PCED1B: variants seen among roughly 807,000 people sequenced by gnomAD.
PCED1B encodes the protein PC-esterase domain containing 1B.
For missense variants in PCED1B, 573 were observed against 573.9 expected (o/e 1.00, Z 0.02); for synonymous variants, 251 against 246.1 (o/e 1.02, Z -0.19).
At chr12:47,215,001 C>A (rs998295858) in intron 2 of PCED1B, among the ~76,000 whole-genome samples, 8 of 151,952 alleles carry the variant, frequency 5.3e-5, no homozygotes, top group African/African-American at 1.9e-4. Flanking sequence ...ATTCTCCTGC[C>A]TCAGCCTCCC....
chr12:47,183,589 CT>C lies in PCED1B; in HGVS notation c.-525-32623del, dbSNP rs535538873. 3.8e-4 allele frequency among the ~76,000 whole-genome samples: 57 copies of C among 149,362 alleles called. 1 individual carries two copies. The highest frequency in any genetic ancestry group is 1.3e-3 in the African/African-American group (51 of 40,788). On this transcript the variant is annotated intron_variant, in intron 2 of 3. Coordinates refer to ENST00000546455, the MANE Select transcript of PCED1B (RefSeq NM_138371.3). ...AAATATACTAGCTACAGAACCATTT[CT>C]TTTTTTTTTAACACCTATATATCAC...
At chr12:47,098,252 C>T (rs987888741) in intron 1 of PCED1B, among the ~76,000 whole-genome samples, 4 of 152,168 alleles carry the variant, frequency 2.6e-5, no homozygotes, top group Non-Finnish European at 4.4e-5. Flanking sequence ...GATTCTGAGC[C>T]GGGTTACAGA....
chr12:47,111,924 T>C (rs574365731), intron 2 of PCED1B, among the ~76,000 whole-genome samples: 1 of 152,340 alleles, frequency 6.6e-6, no homozygotes, highest in Non-Finnish European at 1.5e-5. Context: ...TATCCATTCA[T>C]GGGTTCTCTG....
intron 2 of PCED1B, among the ~76,000 whole-genome samples, chr12:47,174,407 C>CA (rs202246828): frequency 0.33 from 41,511 of 123,982 alleles, 6,344 homozygotes; most frequent in Admixed American, 0.45. Flanking sequence ...AGACTCAATC[C>CA]AAAAAAAAAA....
chr12:47,156,924 C>T (rs986984078), intron 2 of PCED1B, among the ~76,000 whole-genome samples: 1 of 152,098 alleles, frequency 6.6e-6, no homozygotes, highest in African/African-American at 2.4e-5. Context: ...AAAATAATAT[C>T]TACTTCACAG....
chr12:47,199,761 T>G (rs1393611763), intron 2 of PCED1B, among the ~76,000 whole-genome samples: 1 of 152,192 alleles, frequency 6.6e-6, no homozygotes, highest in Non-Finnish European at 1.5e-5. Flanking sequence ...AATATAAAAC[T>G]GCAAAACTTC....
chr12:47,216,118 A>G (rs1943253268), intron 2 of PCED1B, 104 bp from the exon 3 acceptor site: 1 of 152,214 alleles, frequency 6.6e-6, no homozygotes, highest in African/African-American at 2.4e-5. Flanking sequence ...CAGAAACACA[A>G]GATTACTACT....
chr12:47,229,887 A>T (rs1027556485), intron 3 of PCED1B, among the ~76,000 whole-genome samples: 4 of 150,806 alleles, frequency 2.7e-5, no homozygotes, highest in African/African-American at 7.3e-5. Context: ...CTCCTGCCTC[A>T]GCCTCCCGAG....
chr12:47,213,364 A>G (rs2137781350), intron 2 of PCED1B, among the ~76,000 whole-genome samples: 1 of 84,902 alleles, frequency 1.2e-5, no homozygotes, highest in East Asian at 2.6e-4. Context: ...CAGACAACCA[A>G]AGAAAAAAAC....
chr12:47,095,874 CT>C (rs35522299), intron 1 of PCED1B, among the ~76,000 whole-genome samples: 60,290 of 151,932 alleles, frequency 0.4, 12,304 homozygotes, highest in East Asian at 0.62. Context: ...GTAACTCCAA[CT>C]TTTGGCTCAT....
chr12:47,134,177 G>T (rs893868569), intron 2 of PCED1B, among the ~76,000 whole-genome samples: 1 of 152,190 alleles, frequency 6.6e-6, no homozygotes, highest in Non-Finnish European at 1.5e-5. Context: ...TACATTCCAT[G>T]ACATCATGGG....
intron 3 of PCED1B, among the ~76,000 whole-genome samples, chr12:47,218,601 A>G (rs1943375480): frequency 6.6e-6 from 1 of 151,892 alleles, no homozygotes; most frequent in South Asian, 2.1e-4. Context: ...CTTCCACCTC[A>G]GCCTCCTCCT....
chr12:47,104,909 G>A (rs1447378855), intron 2 of PCED1B, among the ~76,000 whole-genome samples: 2 of 152,082 alleles, frequency 1.3e-5, no homozygotes, highest in African/African-American at 2.4e-5. Flanking sequence ...AAGCCGGCTC[G>A]CCCCGGGCTT....
At chr12:47,215,685 CCTG>C (rs1943234927) in intron 2 of PCED1B, among the ~76,000 whole-genome samples, 1 of 152,162 alleles carries the variant, frequency 6.6e-6, no homozygotes, top group Non-Finnish European at 1.5e-5. Context: ...GGGGCTCAGG[CCTG>C]TGGTTTCCTG....
chr12:47,120,477 A>G (rs1004946857), intron 2 of PCED1B, among the ~76,000 whole-genome samples: 1 of 152,188 alleles, frequency 6.6e-6, no homozygotes, highest in African/African-American at 2.4e-5. Flanking sequence ...AGGCATATCT[A>G]CATAGTGGAA....
In PCED1B at chr12:47,236,274, G is replaced by T. The variant is rs139764765; in HGVS notation, c.1211G>T (p.Arg404Leu). Residue 404 changes from arginine (R) to leucine (L), a missense_variant, in exon 4 of 4, where the codon CGT becomes CTT. Arg to Leu is a moderately radical substitution (Grantham distance 102). Coordinates refer to ENST00000546455, the MANE Select transcript of PCED1B (RefSeq NM_138371.3). Reference protein sequence around the residue: ...PVVHRGFGRYRPRGPYTPWGQ... With the variant: ...PVVHRGFGRYLPRGPYTPWGQ... ...GTACATAGGGGTTTTGGCAGGTATC[G>T]TCCCCGTGGCCCCTATACGCCCTGG... 1 of 1,614,076 alleles carries T rather than the reference G, an allele frequency of 6.2e-7. No homozygotes were observed. The highest frequency in any genetic ancestry group is 1.1e-5 in the South Asian group (1 of 91,080).
chr12:47,127,377 T>C (rs1939931981), intron 2 of PCED1B, among the ~76,000 whole-genome samples: 1 of 150,304 alleles, frequency 6.7e-6, no homozygotes, highest in East Asian at 1.9e-4. Context: ...TTCTTTTTTT[T>C]TTTTTTTTTG....
intron 2 of PCED1B, among the ~76,000 whole-genome samples, chr12:47,176,913 G>A (rs1425875236): frequency 1.3e-5 from 2 of 152,126 alleles, no homozygotes; most frequent in East Asian, 1.9e-4. Flanking sequence ...TTGAGAGTAC[G>A]ATAGGAAGAA....
intron 1 of PCED1B, among the ~76,000 whole-genome samples, chr12:47,101,623 A>G (rs561922603): frequency 2.6e-5 from 4 of 152,274 alleles, no homozygotes; most frequent in Middle Eastern, 3.4e-3. Context: ...GAAAACTATA[A>G]TATGGATCAC....
Sources: allele counts gnomAD v4.1 joint callset (sites outside exome capture counted in the v4.1 genomes callset), GRCh38; gene constraint gnomAD v4.1.1; transcripts MANE v1.5; gene names NCBI Gene and HGNC (gene_info 2026-07-23, HGNC 2026-07-21).